The following PDLIM7 variants were observed in gnomAD, a reference collection of about 807,000 sequenced individuals.
PDLIM7 encodes PDZ and LIM domain 7.
A neutral mutation model predicts 53.9 loss-of-function variants in PDLIM7; 37 were observed. The ratio of observed to expected loss-of-function variants is 0.69; its 90% confidence interval spans 0.53 to 0.90. The LOEUF (loss-of-function observed/expected upper bound fraction) is 0.90, where lower values mean the gene tolerates loss of function less well. PDLIM7 is among the 40% of genes least tolerant of loss of function. The pLI is 0.00. For missense variants in PDLIM7, 617 were observed against 638.5 expected, an observed-to-expected ratio of 0.97 and a Z score of 0.36; for synonymous variants, 300 against 261.3, an observed-to-expected ratio of 1.15 and a Z score of -1.43.
At position 177,494,071 on chromosome 5, in the gene PDLIM7, G is replaced by A. The variant is rs335430; in HGVS notation, c.97-1394C>T. Among the ~76,000 whole-genome samples the A allele has an allele frequency of 4.6e-3, 696 of 152,346 alleles. 3 individuals are homozygous for A. Among genetic ancestry groups the A allele is most frequent in the African/African-American group, 0.016 (657 of 41,574 alleles). The stretch of plus-strand genomic sequence containing the variant: ...TCGGCGGCCCCTTCCTCACTCGCTA[G>A]ATAAGAAGACTTGCTTCAGTTTATT... On this transcript the variant is annotated intron_variant, in intron 2 of 12. Coordinates refer to ENST00000355841, the MANE Select transcript of PDLIM7 (RefSeq NM_005451.5).
At chr5:177,490,989 C>CT (rs772415752) in intron 6 of PDLIM7, 21 bp downstream of exon 6, 6 of 1,613,752 alleles carry the variant, frequency 3.7e-6, no homozygotes, top group Admixed American at 3.3e-5. Context: ...AAAGTACCCC[C>CT]TGCCCTGGGC....
chr5:177,492,927 T>G, intron 2 of PDLIM7: 1 of 515,930 alleles, frequency 1.9e-6, no homozygotes, highest in South Asian at 2.6e-5. Flanking sequence ...CAGGTGGTGC[T>G]CACCTGAGCT....
chr5:177,493,812 T>C (rs1455566709), intron 2 of PDLIM7, among the ~76,000 whole-genome samples: 3 of 142,608 alleles, frequency 2.1e-5, no homozygotes, highest in Non-Finnish European at 1.5e-5. Context: ...GAAGACAATT[T>C]CACTGGGTGG....
At position 177,489,609 on chromosome 5, in the gene PDLIM7, G is replaced by A; in HGVS notation, c.653C>T (p.Pro218Leu). The A allele has an allele frequency of 6.2e-7, 1 of 1,601,522 alleles. No individual in the cohort carries two copies. Among genetic ancestry groups the A allele is most frequent in the Non-Finnish European group, 8.5e-7 (1 of 1,175,504 alleles). ...CACAGCCCAGGGCGGGCGGCTGGTA[G>A]GGCTGGGGGCGGTAGGGCCTGCCGG... ...EPWPGPTAPS[P>L]TSRPPWAVDP... The change falls in exon 9 of 13, where the codon CCT becomes CTT. Residue 218 changes from proline to leucine, a missense_variant. Pro to Leu is a moderately conservative substitution (Grantham distance 98). Transcript: ENST00000355841.
rs200943753 is a variant in PDLIM7 at position 177,492,548 on chromosome 5, G to T, written c.226C>A (p.Arg76Ser). Residue 76 changes from arginine to serine, a missense_variant, in exon 3 of 13, where the codon CGC (arginine) becomes AGC (serine). Transcript: ENST00000355841. ...AQNKIRACGERLSLGLSRAQP... is the reference protein window; with the variant it reads ...AQNKIRACGESLSLGLSRAQP... The stretch of plus-strand genomic sequence containing the variant: ...TACCTGCTGAGGCCCAGGCTGAGGC[G>T]CTCCCCGCAGGCCCGGATCTTGTTC... 201 of 1,613,552 alleles carry T rather than the reference G, an allele frequency of 1.2e-4. No individual in the cohort carries two copies. Among genetic ancestry groups the T allele is most frequent in the Non-Finnish European group, 1.7e-4 (196 of 1,179,644 alleles).
intron 1 of PDLIM7, chr5:177,496,775 C>A: frequency 7.0e-6 from 2 of 283,780 alleles, no homozygotes; most frequent in South Asian, 1.0e-4. Context: ...TGAATCCAGG[C>A]TTGAGGTTCT....
Position 177,494,578 on chromosome 5 carries a change from G to T in PDLIM7, c.96+1839C>A, listed in dbSNP as rs555865107. ...TGGAGAGGGGGTGGGGGGCGGGGAC[G>T]GCTTCCCTTCCCAGAGTGAGGAGGG... On this transcript the variant is annotated intron_variant, in intron 2 of 12. Coordinates refer to ENST00000355841, the MANE Select transcript of PDLIM7 (RefSeq NM_005451.5). 2.0e-3 allele frequency among the ~76,000 whole-genome samples: 307 copies of T among 151,794 alleles called. 1 individual carries two copies. Among genetic ancestry groups the T allele is most frequent in the African/African-American group, 7.2e-3 (297 of 41,346 alleles).
rs764444484 is a variant in PDLIM7, at chr5:177,483,968, A to T, written c.1186T>A (p.Phe396Ile). 8.7e-6 allele frequency: 14 copies of T among 1,613,792 alleles called. No individual in the cohort carries two copies. The highest frequency in any genetic ancestry group is 1.2e-5 in the Non-Finnish European group (14 of 1,179,940). The part of the protein sequence containing the change: ...PYCERDYEKM[F>I]GTKCHGCDFK... ...TCACAGCCATGGCATTTCGTGCCAAACATCTTCTCATAGTCTGAGAATGGG... is the reference window on the plus strand; with the variant it reads ...TCACAGCCATGGCATTTCGTGCCAATCATCTTCTCATAGTCTGAGAATGGG... The change falls in exon 12 of 13, where the codon TTT becomes ATT. Residue 396 changes from phenylalanine to isoleucine, a missense_variant. By Grantham distance (21) the Phe-to-Ile change is conservative. Coordinates refer to ENST00000355841, the MANE Select transcript of PDLIM7 (RefSeq NM_005451.5).
chr5:177,486,173 C>T (rs1758428023), intron 10 of PDLIM7, among the ~76,000 whole-genome samples: 1 of 151,958 alleles, frequency 6.6e-6, no homozygotes, highest in Admixed American at 6.6e-5. Context: ...CCCACCTTGG[C>T]CTCCCAAAGT....
chr5:177,496,399 C>T lies in PDLIM7; in HGVS notation c.96+18G>A. The T allele has an allele frequency of 1.3e-6, 2 of 1,548,988 alleles. No individual in the cohort carries two copies. The highest frequency in any genetic ancestry group is 2.5e-5 in the South Asian group (2 of 81,218). On this transcript the variant is annotated intron_variant, in intron 2 of 12. Transcript: ENST00000355841. ...CGAAAGACCGCTGGGGGAGCCCCCT[C>T]CCCAAACCTAGGCTCACCCGGGAAA... is the stretch of plus-strand genomic sequence containing the variant.
intron 1 of PDLIM7, chr5:177,496,731 C>T: frequency 2.5e-6 from 1 of 393,550 alleles, no homozygotes; most frequent in Non-Finnish European, 4.6e-6. Context: ...GGAGCAGCCC[C>T]CCTCCCCTTG....
intron 10 of PDLIM7, among the ~76,000 whole-genome samples, chr5:177,487,588 G>A (rs112446588): frequency 0.013 from 2,037 of 152,358 alleles, 57 homozygotes; most frequent in African/African-American, 0.047. Context: ...ACCCCGGGAT[G>A]TTTTTAGATG....
intron 2 of PDLIM7, among the ~76,000 whole-genome samples, chr5:177,493,548 G>A (rs1184415509): frequency 2.6e-5 from 4 of 152,232 alleles, no homozygotes; most frequent in Non-Finnish European, 5.9e-5. Flanking sequence ...GTTCACTTAC[G>A]ATGGCTTTGA....
At chr5:177,483,766 G>C in intron 12 of PDLIM7, 36 bp from the exon 13 acceptor site, 1 of 1,591,922 alleles carries the variant, frequency 6.3e-7, no homozygotes, top group Non-Finnish European at 8.6e-7. Context: ...ATGGGGTTGG[G>C]GGCAGCAGGA....
At position 177,483,875 on chromosome 5, in the gene PDLIM7, C is replaced by T. The variant is rs753710422; in HGVS notation, c.1279G>A (p.Val427Ile). 2.1e-5 allele frequency: 34 copies of T among 1,613,130 alleles called. No individual in the cohort carries two copies. Among genetic ancestry groups the T allele is most frequent in the Middle Eastern group, 1.6e-4 (1 of 6,080 alleles). The change falls in exon 12 of 13, where the codon GTC becomes ATC. Residue 427 changes from valine to isoleucine, a missense_variant. Physicochemically the swap from Val to Ile is conservative, Grantham distance 29. Transcript: ENST00000355841. ...LGFSWHDTCF[V>I]CAICQINLEG... ...AGGGGCGGGGCTCTCACCGCACAGA[C>T]GAAGCAGGTGTCATGCCAGCTGAAG...
chr5:177,483,723 T>C lies in PDLIM7; in HGVS notation c.1295A>G (p.Gln432Arg), dbSNP rs1758297066. The stretch of plus-strand genomic sequence containing the variant: ...GAAGGTCTTTCCTTCCAGGTTGATC[T>C]GACATATCTAAGGACAGCAAAGGCC... ...HDTCFVCAIC[Q>R]INLEGKTFYS... The change falls in exon 13 of 13, where the codon CAG becomes CGG. Residue 432 changes from glutamine to arginine, a missense_variant. By Grantham distance (43) the Gln-to-Arg change is conservative (BLOSUM62 1). Transcript: ENST00000355841. 1 of 1,612,684 alleles carries C rather than the reference T, an allele frequency of 6.2e-7. No homozygotes were observed. Among genetic ancestry groups the C allele is most frequent in the Non-Finnish European group, 8.5e-7 (1 of 1,178,788 alleles).
chr5:177,496,429 G>A lies in PDLIM7; in HGVS notation c.84C>T (p.Leu28=). The A allele has an allele frequency of 1.9e-6, 3 of 1,597,242 alleles. No homozygotes were observed. The highest frequency in any genetic ancestry group is 2.6e-6 in the Non-Finnish European group (3 of 1,171,604). The change falls in exon 2 of 13, where the codon CTC becomes CTT. Residue 28 remains leucine (L), a synonymous_variant. Coordinates refer to ENST00000355841, the MANE Select transcript of PDLIM7 (RefSeq NM_005451.5). ...AACCTAGGCTCACCCGGGAAATGGA[G>A]AGGGGCACATTGAAGTCCTTGCCCC... ...LQGGKDFNVP[L]SISRLTPGGK...
In PDLIM7 at chr5:177,489,535, G is replaced by T; in HGVS notation, c.727C>A (p.Leu243Met). 6.2e-7 allele frequency: 1 copy of T among 1,610,192 alleles called. No individual in the cohort carries two copies. The highest frequency in any genetic ancestry group is 8.5e-7 in the Non-Finnish European group (1 of 1,179,010). The stretch of plus-strand genomic sequence containing the variant: ...GTGGCCGGCTGGCTGTGCCGGGTCA[G>T]CACTGTGCTCGTTTTGTCCGGGGCA... ...RYAPDKTSTV[L>M]TRHSQPATPT... Residue 243 changes from leucine to methionine, a missense_variant, in exon 9 of 13, where the codon CTG (leucine) becomes ATG (methionine). Physicochemically the swap from Leu to Met is conservative, Grantham distance 15. Coordinates refer to ENST00000355841, the MANE Select transcript of PDLIM7 (RefSeq NM_005451.5).
intron 5 of PDLIM7, 182 bp downstream of exon 5, chr5:177,491,625 C>T: frequency 1.6e-6 from 1 of 626,584 alleles, no homozygotes; most frequent in Non-Finnish European, 2.8e-6. Flanking sequence ...GGGCGGTGCC[C>T]TGCAAGGCGC....
Sources: gnomAD v4.1 joint callset for allele counts (sites outside exome capture counted in the v4.1 genomes callset) on GRCh38, gnomAD v4.1.1 for gene constraint, MANE v1.5 for transcripts, NCBI Gene and HGNC (gene_info 2026-07-23, HGNC 2026-07-21) for gene names.